SULT1A1: variants seen among roughly 807,000 people sequenced by gnomAD.
SULT1A1 encodes the protein sulfotransferase family 1A member 1.
In SULT1A1, 35 loss-of-function variants were observed where a neutral mutation model predicts 36.8. The observed-to-expected ratio is 0.95, with a 90% CI of 0.73 to 1.26. The LOEUF (loss-of-function observed/expected upper bound fraction) is 1.26, where lower values mean the gene tolerates loss of function less well. SULT1A1 is among the 50% of genes most tolerant of loss of function. The probability of loss-of-function intolerance (pLI) is 0.00; values close to 1 mark genes in which losing one functional copy is unlikely to be tolerated. For missense variants in SULT1A1, 309 were observed against 383.0 expected (o/e 0.81, Z 1.61); for synonymous variants, 119 against 146.0 (o/e 0.82, Z 1.33).
intron 4 of SULT1A1, 65 bp downstream of exon 4, chr16:28,608,226 A>T: frequency 6.3e-7 from 1 of 1,594,830 alleles, no homozygotes; most frequent in Non-Finnish European, 8.6e-7. Flanking sequence ...ACCTCAGGTG[A>T]TCTGCCTGCC....
chr16:28,620,535 G>T (rs148738186), intron 1 of SULT1A1, among the ~76,000 whole-genome samples: 13,693 of 134,290 alleles, frequency 0.1, 979 homozygotes, highest in Non-Finnish European at 0.14. Flanking sequence ...CTGCACTCCA[G>T]TCTGGACAAC....
chr16:28,617,292 A>G (rs2047564661), intron 2 of SULT1A1, among the ~76,000 whole-genome samples: 1 of 152,190 alleles, frequency 6.6e-6, no homozygotes, highest in African/African-American at 2.4e-5. Flanking sequence ...CTAGCATTAC[A>G]GGCATGAGCC....
intron 2 of SULT1A1, chr16:28,619,956 G>A: frequency 2.0e-6 from 2 of 980,088 alleles, no homozygotes; most frequent in Non-Finnish European, 1.5e-6. Flanking sequence ...TACACAAAAA[G>A]TTACTGATTG....
chr16:28,605,798 T>C lies in SULT1A1; in HGVS notation c.*23A>G. ...TCAGGTTTGATTCGCACACTCCCTC[T>C]GCAGTGACTCCAGGAGCCCCTCTCA... On this transcript the variant is annotated 3_prime_UTR_variant, in exon 8 of 8. Transcript: ENST00000314752. 1 of 1,609,890 alleles carries C rather than the reference T, an allele frequency of 6.2e-7. No homozygotes were observed.
In SULT1A1 at chr16:28,608,132, C is replaced by T; in HGVS notation, c.372+159G>A. 4 of 1,073,132 alleles carry T rather than the reference C, an allele frequency of 3.7e-6. 1 individual carries two copies. In the South Asian group the frequency reaches 6.6e-5, roughly 18 times the overall value. 66.5% of individuals were successfully genotyped at this position (1,073,132 alleles called of 1,614,324 possible). ...GCTTCGGAGTAGCTGGGATTACAGG[C>T]ACCCGCCACCACACCCGGCTAATTT... On this transcript the variant is annotated intron_variant, in intron 4 of 7. Coordinates refer to ENST00000314752, the MANE Select transcript of SULT1A1 (RefSeq NM_001055.4).
At chr16:28,609,818 T>C (rs1014095345) in intron 1 of SULT1A1, 113 bp downstream of exon 1, 2 of 1,107,122 alleles carry the variant, frequency 1.8e-6, no homozygotes, top group African/African-American at 1.6e-5. Flanking sequence ...TTGTCTGAAA[T>C]GGGATATCCA....
intron 1 of SULT1A1, among the ~76,000 whole-genome samples, chr16:28,621,249 T>C (rs2151726082): frequency 6.6e-6 from 1 of 151,436 alleles, no homozygotes. Flanking sequence ...TGGGAGGCCA[T>C]GATGGGCAGA....
upstream of SULT1A1, chr16:28,614,608 A>G (rs1488978464): frequency 2.3e-5 from 3 of 130,206 alleles, 1 homozygote; most frequent in Non-Finnish European, 5.3e-5. Context: ...TCTATTACAG[A>G]CGGGGTTTCA....
At chr16:28,618,215 T>C (rs945510163) in intron 2 of SULT1A1, among the ~76,000 whole-genome samples, 2 of 151,896 alleles carry the variant, frequency 1.3e-5, no homozygotes, top group Non-Finnish European at 2.9e-5. Context: ...TTTATTTTAT[T>C]TTTGTAGAGA....
intron 2 of SULT1A1, among the ~76,000 whole-genome samples, chr16:28,618,042 C>CTTTT (rs11357624): frequency 7.2e-6 from 1 of 139,486 alleles, no homozygotes; most frequent in Non-Finnish European, 1.5e-5. Context: ...ACTTCCTGCT[C>CTTTT]TTTTTTTTTT....
At chr16:28,616,589 G>C (rs1386530131) in intron 2 of SULT1A1, among the ~76,000 whole-genome samples, 3 of 151,836 alleles carry the variant, frequency 2.0e-5, no homozygotes, top group African/African-American at 4.8e-5. Flanking sequence ...TGCCAGGCCA[G>C]TTTTATTTTT....
chr16:28,618,598 C>T (rs1352354534), intron 2 of SULT1A1, among the ~76,000 whole-genome samples: 1 of 152,132 alleles, frequency 6.6e-6, no homozygotes, highest in Non-Finnish European at 1.5e-5. Context: ...CCCGCCTCCA[C>T]CTCCCAAAGT....
chr16:28,621,785 C>T (rs944109899), intron 1 of SULT1A1, among the ~76,000 whole-genome samples: 2 of 152,098 alleles, frequency 1.3e-5, no homozygotes, highest in Admixed American at 1.3e-4. Context: ...CAGTTACCCA[C>T]CCCATCCCCT....
chr16:28,609,552 C>A, intron 1 of SULT1A1: 1 of 499,850 alleles, frequency 2.0e-6, no homozygotes, highest in South Asian at 1.9e-5. Flanking sequence ...TGGAGACCAA[C>A]CTGGTGCAGC....
rs559081816 is a variant in SULT1A1, at chr16:28,623,270, G to A, written c.-73C>T. The stretch of plus-strand genomic sequence containing the variant: ...ACACGTAGTTGAAGTTGGCGTGGAA[G>A]GTCACCACCAACGTGGCCACGCGCC... On this transcript the variant is annotated 5_prime_UTR_variant, in exon 1 of 6. Coordinates refer to the SULT1A1 transcript ENST00000350842. 5.2e-4 allele frequency: 804 copies of A among 1,543,884 alleles called. 11 individuals are homozygous for A. In the South Asian group the frequency reaches 9.4e-3, roughly 18 times the overall value.
chr16:28,621,194 G>C (rs893097859), intron 1 of SULT1A1, among the ~76,000 whole-genome samples: 3 of 151,254 alleles, frequency 2.0e-5, no homozygotes, highest in African/African-American at 7.3e-5. Flanking sequence ...AGAGTAATAA[G>C]AACAATCTCA....
At chr16:28,619,174 A>T (rs2047603065) in intron 2 of SULT1A1, among the ~76,000 whole-genome samples, 1 of 151,832 alleles carries the variant, frequency 6.6e-6, no homozygotes, top group African/African-American at 2.4e-5. Context: ...CACCGTGCCC[A>T]GCTAATTTTT....
At chr16:28,606,329 C>T (rs901763356) in intron 6 of SULT1A1, 93 bp from the exon 7 acceptor site, 34 of 1,589,524 alleles carry the variant, frequency 2.1e-5, no homozygotes, top group Middle Eastern at 3.3e-4. Context: ...GGCGATCTGG[C>T]CACTTCTCCT....
intron 1 of SULT1A1, chr16:28,623,115 C>CCG (rs750430239): frequency 6.6e-7 from 1 of 1,523,886 alleles, no homozygotes; most frequent in African/African-American, 1.5e-5. Context: ...CCCAGGTTCC[C>CCG]CCCCCGGCCC....
Sources: allele counts gnomAD v4.1 joint callset (sites outside exome capture counted in the v4.1 genomes callset), GRCh38; gene constraint gnomAD v4.1.1; transcripts MANE v1.5; gene names NCBI Gene and HGNC (gene_info 2026-07-23, HGNC 2026-07-21).